Variants in TNFAIP3 observed in about 807,000 individuals in gnomAD.
TNFAIP3 encodes the protein TNF alpha induced protein 3.
TNFAIP3 carries 9 observed loss-of-function variants against 72.4 expected under a neutral mutation model. The observed-to-expected ratio is 0.12, with a 90% CI of 0.07 to 0.22. TNFAIP3 has a LOEUF of 0.22. Ranked by LOEUF, TNFAIP3 falls within the 10% of genes least tolerant of loss-of-function variation. The probability of loss-of-function intolerance (pLI) is 1.00; values close to 1 mark genes in which losing one functional copy is unlikely to be tolerated. For missense variants in TNFAIP3, 833 were observed against 1,018.7 expected, an observed-to-expected ratio of 0.82 and a Z score of 2.48; for synonymous variants, 339 against 372.6, an observed-to-expected ratio of 0.91 and a Z score of 1.04.
rs1326979457 is a variant in TNFAIP3, at chr6:137,883,206, G to A, written c.*1887G>A. On this transcript the variant is annotated 3_prime_UTR_variant, in exon 9 of 9. Coordinates refer to ENST00000612899, the MANE Select transcript of TNFAIP3 (RefSeq NM_001270508.2). ...GTATTTGAAATTTGCACATTTAATTGTCCCTAATAGAAAGCCACCTATTCT... is the reference window on the plus strand; with the variant it reads ...GTATTTGAAATTTGCACATTTAATTATCCCTAATAGAAAGCCACCTATTCT... The A allele has an allele frequency of 5.0e-6, 1 of 198,078 alleles. No individual in the cohort carries two copies. Among genetic ancestry groups the A allele is most frequent in the Non-Finnish European group, 1.0e-5 (1 of 96,300 alleles). 12.3% of individuals were successfully genotyped at this position (198,078 alleles called of 1,614,324 possible). A position where few individuals can be genotyped will look rare whatever the true frequency, so the allele number is the denominator to read the frequency against.
upstream of TNFAIP3, among the ~76,000 whole-genome samples, chr6:137,866,405 A>G (rs189550404): frequency 1.3e-5 from 2 of 152,188 alleles, no homozygotes; most frequent in Non-Finnish European, 2.9e-5. Flanking sequence ...AACTAAAAAC[A>G]CACCTAATAA....
chr6:137,876,381 G>T, intron 5 of TNFAIP3: 1 of 498,258 alleles, frequency 2.0e-6, no homozygotes, highest in Non-Finnish European at 3.5e-6. Flanking sequence ...TTTCATACAT[G>T]ATAAATTAAG....
rs1026013434 is a variant in TNFAIP3, at chr6:137,882,452, G to A, written c.*1133G>A. On this transcript the variant is annotated 3_prime_UTR_variant, in exon 9 of 9. Coordinates refer to ENST00000612899, the MANE Select transcript of TNFAIP3 (RefSeq NM_001270508.2). The stretch of plus-strand genomic sequence containing the variant: ...GTTCCTGACCACAGGGAGTAAATTG[G>A]CCTCTTTGATACACTTTTGCTTGCC... The A allele has an allele frequency of 4.3e-6, 1 of 232,830 alleles. No homozygotes were observed. Among genetic ancestry groups the A allele is most frequent in the African/African-American group, 2.2e-5 (1 of 45,308 alleles). The allele number at this position is 232,830 out of a possible 1,614,324, so 14.4% of individuals were successfully genotyped here.
rs760487792 is a variant in TNFAIP3, at chr6:137,871,288, A to G, written c.61A>G (p.Ile21Val). 6.2e-7 allele frequency: 1 copy of G among 1,613,986 alleles called. No individual in the cohort carries two copies. ...GAGCAATATGCGGAAAGCTGTGAAG[A>G]TACGGGAGAGAACTCCAGAAGACAT... ...YLSNMRKAVK[I>V]RERTPEDIFK... is the part of the protein sequence containing the mutation. Residue 21 changes from isoleucine to valine, a missense_variant, in exon 2 of 9, where the codon ATA becomes GTA. Physicochemically the swap from Ile to Val is conservative, Grantham distance 29 (BLOSUM62 3). Around this residue, in one of 2 missense-constraint regions of TNFAIP3, gnomAD observed 246 missense variants for 360.9 expected, o/e 0.68. Transcript: ENST00000612899. The surrounding 1 kb of genome is among the most constrained non-coding windows in gnomAD (Gnocchi z 4.2).
chr6:137,877,004 A>C, intron 5 of TNFAIP3, 72 bp from the exon 6 acceptor site: 1 of 1,223,638 alleles, frequency 8.2e-7, no homozygotes, highest in Non-Finnish European at 1.1e-6. Context: ...TACATTTTCA[A>C]AATGAGATCT....
chr6:137,875,611 G>C, intron 3 of TNFAIP3, 77 bp from the exon 4 acceptor site: 1 of 1,498,548 alleles, frequency 6.7e-7, no homozygotes, highest in African/African-American at 1.4e-5. Flanking sequence ...AATAATTGTA[G>C]AGTGATGTCA....
chr6:137,875,713 T>A lies in TNFAIP3; in HGVS notation c.512T>A (p.Leu171His), dbSNP rs1206967947. 2 of 1,614,040 alleles carry A rather than the reference T, an allele frequency of 1.2e-6. No individual in the cohort carries two copies. The highest frequency in any genetic ancestry group is 1.7e-6 in the Non-Finnish European group (2 of 1,180,020). ...TRNWNDEWDNLIKMASTDTPM... is the reference protein window; with the variant it reads ...TRNWNDEWDNHIKMASTDTPM... ...AACTGGAATGATGAATGGGACAATCTTATCAAAATGGCTTCCACAGACACA... is the reference window on the plus strand; with the variant it reads ...AACTGGAATGATGAATGGGACAATCATATCAAAATGGCTTCCACAGACACA... The change falls in exon 4 of 9, where the codon CTT becomes CAT. Residue 171 changes from leucine to histidine, a missense_variant. By Grantham distance (99) the Leu-to-His change is moderately conservative. Around this residue, in one of 2 missense-constraint regions of TNFAIP3, gnomAD observed 246 missense variants for 360.9 expected, o/e 0.68. Transcript: ENST00000612899.
rs552466133 is a variant in TNFAIP3, at chr6:137,876,178, G to A, written c.805+12G>A. The A allele has an allele frequency of 3.7e-6, 6 of 1,604,428 alleles. No homozygotes were observed. In the Admixed American group the frequency reaches 6.9e-5, roughly 18 times the overall value. On this transcript the variant is annotated intron_variant, in intron 5 of 8. Coordinates refer to ENST00000612899, the MANE Select transcript of TNFAIP3 (RefSeq NM_001270508.2). The stretch of plus-strand genomic sequence containing the variant: ...GGACAGTGGGCCTGGTGAGAAAACT[G>A]CATTAATTCACATCTATAACTAGAC...
At chr6:137,880,916 G>T (rs1776429366) in intron 8 of TNFAIP3, 119 bp from the exon 9 acceptor site, 2 of 1,082,920 alleles carry the variant, frequency 1.8e-6, no homozygotes, top group Non-Finnish European at 2.7e-6. Flanking sequence ...CCCTTGCTCA[G>T]GCAGGTAAAG....
intron 1 of TNFAIP3, among the ~76,000 whole-genome samples, chr6:137,870,722 T>G (rs771002760): frequency 6.6e-6 from 1 of 152,172 alleles, no homozygotes; most frequent in Non-Finnish European, 1.5e-5. Context: ...GAGTGATAAC[T>G]CAAGAGTTTG....
chr6:137,874,790 G>A (rs1776178640), intron 2 of TNFAIP3, 55 bp from the exon 3 acceptor site: 2 of 1,568,702 alleles, frequency 1.3e-6, no homozygotes, highest in East Asian at 4.5e-5. Context: ...CCTTTGCTGG[G>A]TCTTACATGC....
intron 6 of TNFAIP3, 37 bp from the exon 7 acceptor site, chr6:137,878,395 T>C: frequency 6.5e-7 from 1 of 1,539,402 alleles, no homozygotes. Flanking sequence ...TGTGATTTTG[T>C]GTATTCTCAT....
rs774689592 is a variant in TNFAIP3, at chr6:137,871,368, A to G, written c.141A>G (p.Thr47=). ...IHHFKTMHRY[T]LEMFRTCQFC... ...ATTTTAAAACCATGCACCGATACAC[A>G]CTGGAAATGTTCAGAACTTGCCAGT... Residue 47 remains threonine, a synonymous_variant, in exon 2 of 9, where the codon ACA becomes ACG. Coordinates refer to ENST00000612899, the MANE Select transcript of TNFAIP3 (RefSeq NM_001270508.2). The surrounding 1 kb of genome is among the most constrained non-coding windows in gnomAD (Gnocchi z 4.2). 6.2e-7 allele frequency: 1 copy of G among 1,614,072 alleles called. No individual in the cohort carries two copies. The highest frequency in any genetic ancestry group is 8.5e-7 in the Non-Finnish European group (1 of 1,180,040).
chr6:137,880,185 G>A lies in TNFAIP3; in HGVS notation c.2021G>A (p.Cys674Tyr), dbSNP rs1776401028. ...GGAAGCACCATGTTTGAAGGATACTGCCAGAAGTGTTTCATTGAAGCTCAG... is the reference window on the plus strand; with the variant it reads ...GGAAGCACCATGTTTGAAGGATACTACCAGAAGTGTTTCATTGAAGCTCAG... The part of the protein sequence containing the change: ...TLGSTMFEGY[C>Y]QKCFIEAQNQ... The change falls in exon 8 of 9, where the codon TGC becomes TAC. Residue 674 changes from cysteine (C) to tyrosine (Y), a missense_variant. By Grantham distance (194) the Cys-to-Tyr change is radical (BLOSUM62 -2). Around this residue, in one of 2 missense-constraint regions of TNFAIP3, gnomAD observed 587 missense variants for 657.8 expected, o/e 0.89. Transcript: ENST00000612899. 3.1e-6 allele frequency: 5 copies of A among 1,614,166 alleles called. No individual in the cohort carries two copies. The highest frequency in any genetic ancestry group is 1.3e-5 in the African/African-American group (1 of 75,030).
chr6:137,879,453 C>A, intron 7 of TNFAIP3, 102 bp downstream of exon 7: 3 of 1,334,274 alleles, frequency 2.2e-6, no homozygotes, highest in Non-Finnish European at 2.0e-6. Context: ...TCAGGCAGAA[C>A]TGTCAGGACC....
rs773151202 is a variant in TNFAIP3, at chr6:137,881,360, C to T, written c.*41C>T. On this transcript the variant is annotated 3_prime_UTR_variant, in exon 9 of 9. Coordinates refer to ENST00000612899, the MANE Select transcript of TNFAIP3 (RefSeq NM_001270508.2). This position sits in a 1 kb window ranked among gnomAD's most constrained non-coding sequence, Gnocchi z 5.0. The stretch of plus-strand genomic sequence containing the variant: ...TCACCTCCTGCAAGAAGTGGGGCCT[C>T]GAGCTGTCAGTCATCATGGTGCTAT... 4.0e-6 allele frequency: 6 copies of T among 1,511,750 alleles called. No individual in the cohort carries two copies. In the African/African-American group the frequency reaches 4.2e-5, roughly 11 times the overall value. 93.6% of individuals were successfully genotyped at this position (1,511,750 alleles called of 1,614,324 possible). A position where few individuals can be genotyped will look rare whatever the true frequency, so the allele number is the denominator to read the frequency against.
chr6:137,877,037 T>C, intron 5 of TNFAIP3, 39 bp from the exon 6 acceptor site: 2 of 1,483,722 alleles, frequency 1.3e-6, no homozygotes, highest in South Asian at 1.3e-5. Flanking sequence ...CCTTGTTTAG[T>C]AGAATACTGT....
rs1477238294 is a variant in TNFAIP3, at chr6:137,881,239, C to T, written c.2293C>T (p.Pro765Ser). Residue 765 changes from proline (P) to serine (S), a missense_variant, in exon 9 of 9, where the codon CCC (proline) becomes TCC (serine). This residue lies in a region of TNFAIP3 where 587 missense variants were observed against 657.8 expected (regional missense o/e 0.89). Transcript: ENST00000612899. This position sits in a 1 kb window ranked among gnomAD's most constrained non-coding sequence, Gnocchi z 5.0. ...EDPPKQRCRA[P>S]ACDHFGNAKC... ...CCCCCCCAAGCAGCGTTGCCGGGCC[C>T]CCGCCTGTGATCATTTTGGCAATGC... 1 of 1,603,448 alleles carries T rather than the reference C, an allele frequency of 6.2e-7. No individual in the cohort carries two copies. The highest frequency in any genetic ancestry group is 1.7e-4 in the Middle Eastern group (1 of 6,006).
chr6:137,881,166 C>T lies in TNFAIP3; in HGVS notation c.2220C>T (p.Asn740=). 2 of 1,613,904 alleles carry T rather than the reference C, an allele frequency of 1.2e-6. No homozygotes were observed. The highest frequency in any genetic ancestry group is 1.7e-6 in the Non-Finnish European group (2 of 1,180,004). ...TCTGCATGGAGTGTCAGCATCCCAA[C>T]CAGAGGATGGGCCCTGGGGCCCACC... ...EELCMECQHP[N]QRMGPGAHRG... is the part of the protein sequence containing the mutation. The change falls in exon 9 of 9, where the codon AAC becomes AAT. Residue 740 remains asparagine, a synonymous_variant. Coordinates refer to ENST00000612899, the MANE Select transcript of TNFAIP3 (RefSeq NM_001270508.2). This position sits in a 1 kb window ranked among gnomAD's most constrained non-coding sequence, Gnocchi z 5.0.
Sources: allele counts gnomAD v4.1 joint callset (sites outside exome capture counted in the v4.1 genomes callset), GRCh38; gene constraint gnomAD v4.1.1; regional missense constraint gnomAD v4.1.1; non-coding constraint Gnocchi (gnomAD v3.1); transcripts MANE v1.5; gene names NCBI Gene and HGNC (gene_info 2026-07-23, HGNC 2026-07-21).